MARCHF3: variants seen among roughly 807,000 people sequenced by gnomAD.
MARCHF3 encodes the protein E3 ubiquitin-protein ligase MARCHF3.
A neutral mutation model predicts 24.2 loss-of-function variants in MARCHF3; 13 were observed. That is an observed-to-expected ratio of 0.54 (90% CI 0.35 to 0.85). MARCHF3 has a LOEUF of 0.85. Ranked by LOEUF, MARCHF3 falls within the 40% of genes least tolerant of loss-of-function variation. The pLI is 0.01. For synonymous variants in MARCHF3, 144 were observed against 137.3 expected (o/e 1.05, Z -0.34); for missense variants, 276 against 325.0 (o/e 0.85, Z 1.16).
chr5:126,977,305 C>G (rs1751234597), intron 1 of MARCHF3, among the ~76,000 whole-genome samples: 1 of 152,208 alleles, frequency 6.6e-6, no homozygotes, highest in Non-Finnish European at 1.5e-5. Flanking sequence ...TGCTGGAAAG[C>G]TTAGCACCAA....
chr5:127,024,365 A>T (rs1352135914), intron 1 of MARCHF3, among the ~76,000 whole-genome samples: 2 of 152,090 alleles, frequency 1.3e-5, no homozygotes, highest in African/African-American at 4.8e-5. Context: ...ACACCCAGCA[A>T]CTCTTTCTTG....
At chr5:126,947,395 A>G (rs1750065774) in intron 1 of MARCHF3, among the ~76,000 whole-genome samples, 2 of 152,252 alleles carry the variant, frequency 1.3e-5, no homozygotes. Flanking sequence ...GCAAAAGAAC[A>G]AAAGAACATC....
At chr5:126,965,679 G>A (rs1375556417) in intron 1 of MARCHF3, among the ~76,000 whole-genome samples, 1 of 152,164 alleles carries the variant, frequency 6.6e-6, no homozygotes, top group Non-Finnish European at 1.5e-5. Flanking sequence ...AAAATAGTGA[G>A]TCAGTGAGAG....
At chr5:126,908,189 T>C (rs1754371753) in intron 3 of MARCHF3, among the ~76,000 whole-genome samples, 1 of 152,220 alleles carries the variant, frequency 6.6e-6, no homozygotes, top group African/African-American at 2.4e-5. Flanking sequence ...CCGACAGATC[T>C]GCTGTTAGTC....
At chr5:126,933,025 G>A (rs570073293) in intron 1 of MARCHF3, among the ~76,000 whole-genome samples, 7 of 152,170 alleles carry the variant, frequency 4.6e-5, no homozygotes, top group South Asian at 2.1e-4. Context: ...TCTTGTTTAC[G>A]CAGAGCTCAG....
chr5:126,952,784 CCTT>C (rs1455928290), intron 1 of MARCHF3, among the ~76,000 whole-genome samples: 1 of 152,168 alleles, frequency 6.6e-6, no homozygotes, highest in Non-Finnish European at 1.5e-5. Flanking sequence ...CATTGTTCCT[CCTT>C]CTTCTATTAC....
At chr5:126,908,331 G>A (rs1754378782) in intron 3 of MARCHF3, among the ~76,000 whole-genome samples, 1 of 152,018 alleles carries the variant, frequency 6.6e-6, no homozygotes, top group South Asian at 2.1e-4. Flanking sequence ...GTATCTTTGT[G>A]GTGTTCTCTG....
intron 3 of MARCHF3, among the ~76,000 whole-genome samples, chr5:126,912,401 G>A (rs1270797612): frequency 6.6e-6 from 1 of 152,152 alleles, no homozygotes; most frequent in Non-Finnish European, 1.5e-5. Flanking sequence ...AGCAACAAGA[G>A]CTGTTATTGT....
intron 3 of MARCHF3, among the ~76,000 whole-genome samples, chr5:126,884,910 G>T (rs1390538929): frequency 6.6e-6 from 1 of 152,168 alleles, no homozygotes; most frequent in African/African-American, 2.4e-5. Flanking sequence ...CTCTCCAGTG[G>T]TCATAATAAA....
chr5:126,991,237 T>C (rs1751748725), intron 1 of MARCHF3, among the ~76,000 whole-genome samples: 1 of 152,218 alleles, frequency 6.6e-6, no homozygotes, highest in Admixed American at 6.5e-5. Flanking sequence ...GATGAGTTCA[T>C]GTCCTTTGCA....
At chr5:126,919,031 C>G (rs143213720) in intron 1 of MARCHF3, among the ~76,000 whole-genome samples, 3 of 152,076 alleles carry the variant, frequency 2.0e-5, no homozygotes, top group African/African-American at 7.2e-5. Flanking sequence ...CATAGGAGAA[C>G]GTGAGAAAAT....
chr5:126,961,192 T>C lies in MARCHF3; in HGVS notation c.-56-42965A>G, dbSNP rs560644193. ...AGAAGTACTGAAGAAAAGGGAGAAA[T>C]ATAGCAAGCACAAACACAGGTCCTT... On this transcript the variant is annotated intron_variant, in intron 1 of 4. Transcript: ENST00000308660. 3.3e-5 allele frequency among the ~76,000 whole-genome samples: 5 copies of C among 152,192 alleles called. No homozygotes were observed. The Middle Eastern group carries it at 0.014, about 414-fold the overall frequency.
At chr5:127,027,882 G>A (rs189692052) in intron 1 of MARCHF3, among the ~76,000 whole-genome samples, 58 of 152,248 alleles carry the variant, frequency 3.8e-4, no homozygotes, top group African/African-American at 1.4e-3. Flanking sequence ...TCACTTGCGG[G>A]TGCCTGTGAA....
chr5:127,011,165 G>T lies in MARCHF3; in HGVS notation c.-57+19185C>A, dbSNP rs1184473699. ...AGTTCAAAATAGAATGTTTTAATCT[G>T]CATTAAAGACTTTTGAAAATGTAAG... On this transcript the variant is annotated intron_variant, in intron 1 of 4. Transcript: ENST00000308660. Among the ~76,000 whole-genome samples, 3 of 152,122 alleles carry T rather than the reference G, an allele frequency of 2.0e-5. No individual in the cohort carries two copies. The East Asian group carries it at 5.8e-4, about 29-fold the overall frequency.
Position 126,870,730 on chromosome 5 carries a change from A to G in MARCHF3, c.665T>C (p.Ile222Thr), listed in dbSNP as rs1752937961. ...NEWRRTNQRVILLIPKSVNVP... is the reference protein window; with the variant it reads ...NEWRRTNQRVTLLIPKSVNVP... Reference sequence around the variant, plus strand: ...ATTGACAGACTTTGGAATGAGGAGAATCACCCTCTGATTGGTCCGACGCCA... The same window carrying G: ...ATTGACAGACTTTGGAATGAGGAGAGTCACCCTCTGATTGGTCCGACGCCA... The change falls in exon 5 of 5, where the codon ATT (isoleucine) becomes ACT (threonine). Residue 222 changes from isoleucine to threonine, a missense_variant. Transcript: ENST00000308660. The G allele has an allele frequency of 1.2e-6, 2 of 1,614,098 alleles. No individual in the cohort carries two copies. The highest frequency in any genetic ancestry group is 1.7e-6 in the Non-Finnish European group (2 of 1,180,048).
chr5:126,988,254 C>T (rs1157011474), intron 1 of MARCHF3, among the ~76,000 whole-genome samples: 3 of 152,170 alleles, frequency 2.0e-5, no homozygotes, highest in East Asian at 1.9e-4. Context: ...CCCCACCCAA[C>T]ATCAAGGTTC....
At chr5:126,879,052 T>G (rs374461105) in intron 3 of MARCHF3, among the ~76,000 whole-genome samples, 4 of 152,174 alleles carry the variant, frequency 2.6e-5, no homozygotes, top group South Asian at 4.1e-4. Flanking sequence ...ATATTGCATG[T>G]CTGTGTGACT....
intron 1 of MARCHF3, among the ~76,000 whole-genome samples, chr5:126,955,228 A>C (rs535797795): frequency 1.6e-4 from 24 of 152,356 alleles, no homozygotes; most frequent in African/African-American, 5.0e-4. Context: ...GAAACAAAAT[A>C]TGAACATACT....
chr5:126,916,684 G>GACACACACACACACACACACACACACAC (rs1409013068), intron 2 of MARCHF3, among the ~76,000 whole-genome samples: 1 of 93,434 alleles, frequency 1.1e-5, no homozygotes, highest in African/African-American at 4.7e-5. Context: ...CTGACAGACA[G>GACACACACACACACACACACACACACAC]ACAGACAGAC....
Sources: allele counts gnomAD v4.1 joint callset (sites outside exome capture counted in the v4.1 genomes callset), GRCh38; gene constraint gnomAD v4.1.1; transcripts MANE v1.5; gene names NCBI Gene and HGNC (gene_info 2026-07-23, HGNC 2026-07-21).